Variants in NRDC observed in about 807,000 individuals in gnomAD.
NRDC encodes nardilysin.
In NRDC, 54 loss-of-function variants were observed where a neutral mutation model predicts 147.1. The ratio of observed to expected loss-of-function variants is 0.37; its 90% confidence interval spans 0.29 to 0.46. The LOEUF (loss-of-function observed/expected upper bound fraction) is 0.46. Among genes scored for constraint, NRDC ranks in the 20% least tolerant of loss-of-function variants. The pLI, the probability that NRDC is intolerant of heterozygous loss-of-function variation, is 1.00. For synonymous variants in NRDC, 440 were observed against 482.1 expected (o/e 0.91, Z 1.14); for missense variants, 1,082 against 1,370.6 (o/e 0.79, Z 3.33).
rs1438841743 is a variant in NRDC at position 51,809,234 on chromosome 1, T to C, written c.1990+81A>G. On this transcript the variant is annotated intron_variant, in intron 17 of 30. Coordinates refer to ENST00000352171, the MANE Select transcript of NRDC (RefSeq NM_001101662.2). Reference sequence around the variant, plus strand: ...GAATCTCAAATATAAATTCCTACGATACTTTGTAAAATATAATGTGCTATA... The same window carrying C: ...GAATCTCAAATATAAATTCCTACGACACTTTGTAAAATATAATGTGCTATA... 4 of 879,800 alleles carry C rather than the reference T, an allele frequency of 4.5e-6. No homozygotes were observed. In the Admixed American group the frequency reaches 7.7e-5, roughly 17 times the overall value. 54.5% of individuals were successfully genotyped at this position (879,800 alleles called of 1,614,324 possible).
chr1:51,793,434 A>G (rs1678744669), intron 24 of NRDC, among the ~76,000 whole-genome samples: 1 of 152,334 alleles, frequency 6.6e-6, no homozygotes, highest in African/African-American at 2.4e-5. Context: ...GAGGCTCCAG[A>G]GAGAAGCAGG....
In NRDC at chr1:51,859,267, A is replaced by G. The variant is rs78258447; in HGVS notation, c.342-18753T>C. Among the ~76,000 whole-genome samples the G allele has an allele frequency of 3.6e-3, 542 of 152,304 alleles. 4 individuals carry two copies. Among genetic ancestry groups the G allele is most frequent in the African/African-American group, 0.012 (483 of 41,558 alleles). On this transcript the variant is annotated intron_variant, in intron 1 of 30. Coordinates refer to ENST00000352171, the MANE Select transcript of NRDC (RefSeq NM_001101662.2). The stretch of plus-strand genomic sequence containing the variant: ...CTTCTGTCTTTGTGTCTGTGTCTAT[A>G]TGTGTTACTTGTATGTAATATTTAG...
rs1681219174 is a variant in NRDC at position 51,840,534 on chromosome 1, A to T, written c.342-20T>A. Reference sequence around the variant, plus strand: ...ATGTATCTGGGGGGAGAAAAAAAAAATCACACATTTTGATTCAGCTGTTCT... The same window carrying T: ...ATGTATCTGGGGGGAGAAAAAAAAATTCACACATTTTGATTCAGCTGTTCT... On this transcript the variant is annotated intron_variant, in intron 1 of 30. Coordinates refer to ENST00000352171, the MANE Select transcript of NRDC (RefSeq NM_001101662.2). 8.5e-6 allele frequency: 13 copies of T among 1,522,572 alleles called. No individual in the cohort carries two copies. Among genetic ancestry groups the T allele is most frequent in the Non-Finnish European group, 1.2e-5 (13 of 1,127,200 alleles). 94.3% of individuals were successfully genotyped at this position (1,522,572 alleles called of 1,614,324 possible). A position where few individuals can be genotyped will look rare whatever the true frequency, so the allele number is the denominator to read the frequency against.
At chr1:51,812,884 C>T (rs747768431) in intron 14 of NRDC, among the ~76,000 whole-genome samples, 47 of 149,718 alleles carry the variant, frequency 3.1e-4, no homozygotes, top group Middle Eastern at 3.4e-3. Context: ...ATAGCTTGAA[C>T]CTGGGAGGCG....
chr1:51,812,981 A>G (rs965765384), intron 14 of NRDC, among the ~76,000 whole-genome samples: 2 of 151,196 alleles, frequency 1.3e-5, no homozygotes, highest in African/African-American at 4.9e-5. Flanking sequence ...AAAAAAAAAA[A>G]AAAATCAAAA....
chr1:51,864,792 A>C (rs940718233), intron 1 of NRDC, among the ~76,000 whole-genome samples: 4 of 152,010 alleles, frequency 2.6e-5, no homozygotes, highest in Non-Finnish European at 4.4e-5. Flanking sequence ...TCTCTGCTAA[A>C]AATACAAAAA....
At position 51,795,723 on chromosome 1, in the gene NRDC, G is replaced by C. The variant is rs118008495; in HGVS notation, c.2605-869C>G. The C allele has an allele frequency of 1.5e-3, 225 of 153,816 alleles. 2 individuals carry two copies. In the East Asian group the frequency reaches 0.028, roughly 19 times the overall value. 9.5% of individuals were successfully genotyped at this position (153,816 alleles called of 1,614,324 possible). ...CCCACAGACATTTCCAACTAAATAC[G>C]TATCAGAACAAACTCCTCATATGCT... On this transcript the variant is annotated intron_variant, in intron 22 of 30. Transcript: ENST00000352171.
intron 1 of NRDC, among the ~76,000 whole-genome samples, chr1:51,874,566 G>A (rs568661808): frequency 9.2e-5 from 14 of 152,158 alleles, no homozygotes; most frequent in African/African-American, 2.2e-4. Context: ...CCGTGATGGC[G>A]CCACTGCACT....
intron 1 of NRDC, among the ~76,000 whole-genome samples, chr1:51,863,581 A>G (rs1557938511): frequency 6.6e-6 from 1 of 152,216 alleles, no homozygotes; most frequent in South Asian, 2.1e-4. Flanking sequence ...AACAAGAAGT[A>G]ATACCTCCAT....
chr1:51,861,801 C>G (rs1235830811), intron 1 of NRDC, among the ~76,000 whole-genome samples: 1 of 152,158 alleles, frequency 6.6e-6, no homozygotes, highest in African/African-American at 2.4e-5. Context: ...ACAAACCAAA[C>G]ATTGGTCATA....
At chr1:51,853,987 A>C (rs1029128004) in intron 1 of NRDC, among the ~76,000 whole-genome samples, 1 of 152,210 alleles carries the variant, frequency 6.6e-6, no homozygotes, top group Admixed American at 6.5e-5. Context: ...TTAAAATGTA[A>C]TAAAGCAGTG....
chr1:51,831,420 T>G lies in NRDC; in HGVS notation c.866+2597A>C, dbSNP rs567951336. On this transcript the variant is annotated intron_variant, in intron 4 of 30. Coordinates refer to ENST00000352171, the MANE Select transcript of NRDC (RefSeq NM_001101662.2). Reference sequence around the variant, plus strand: ...CACATACAAAGACCTGTTTGGATTCTGTAAAACTTAAGAGCTGAGAACTCT... The same window carrying G: ...CACATACAAAGACCTGTTTGGATTCGGTAAAACTTAAGAGCTGAGAACTCT... 3.9e-5 allele frequency among the ~76,000 whole-genome samples: 6 copies of G among 152,346 alleles called. No individual in the cohort carries two copies. The East Asian group carries it at 1.2e-3, about 29-fold the overall frequency.
At chr1:51,798,044 A>G (rs1679013618) in intron 22 of NRDC, 1 of 509,800 alleles carries the variant, frequency 2.0e-6, no homozygotes, top group African/African-American at 1.9e-5. Context: ...TGCTGAAATT[A>G]CAGGCGTGAG....
intron 21 of NRDC, 122 bp downstream of exon 21, chr1:51,800,434 G>T: frequency 8.9e-7 from 1 of 1,122,010 alleles, no homozygotes; most frequent in Non-Finnish European, 1.3e-6. Flanking sequence ...CTAAACTAGA[G>T]CACGATTCAA....
intron 4 of NRDC, among the ~76,000 whole-genome samples, chr1:51,830,305 G>A (rs1259753595): frequency 1.3e-5 from 2 of 152,168 alleles, no homozygotes; most frequent in Non-Finnish European, 2.9e-5. Context: ...TTTAGAAATT[G>A]TGTGTAACTA....
chr1:51,872,953 C>T (rs2124139986), intron 1 of NRDC, among the ~76,000 whole-genome samples: 1 of 149,888 alleles, frequency 6.7e-6, no homozygotes, highest in East Asian at 1.9e-4. Context: ...AAGGAATTGT[C>T]AATCTCATGG....
At chr1:51,792,167 A>C in intron 25 of NRDC, 69 bp from the exon 26 acceptor site, 2 of 1,591,704 alleles carry the variant, frequency 1.3e-6, no homozygotes, top group Non-Finnish European at 1.7e-6. Flanking sequence ...CTCTCCCCAG[A>C]GTGTTTCACA....
intron 1 of NRDC, among the ~76,000 whole-genome samples, chr1:51,861,225 C>T (rs1483017475): frequency 2.1e-5 from 3 of 146,288 alleles, no homozygotes; most frequent in Non-Finnish European, 3.0e-5. Context: ...ATGAGGATTA[C>T]AGGCGTGAGC....
intron 3 of NRDC, among the ~76,000 whole-genome samples, chr1:51,834,739 G>A (rs537178320): frequency 1.3e-5 from 2 of 151,128 alleles, no homozygotes; most frequent in African/African-American, 4.9e-5. Flanking sequence ...AACTTATAAA[G>A]AGATCACAAA....
Sources: gnomAD v4.1 joint callset for allele counts (sites outside exome capture counted in the v4.1 genomes callset) on GRCh38, gnomAD v4.1.1 for gene constraint, MANE v1.5 for transcripts, NCBI Gene and HGNC (gene_info 2026-07-23, HGNC 2026-07-21) for gene names.